The following CDKAL1 variants were observed in gnomAD, a reference collection of about 807,000 sequenced individuals.
CDKAL1 encodes CDKAL1 threonylcarbamoyladenosine tRNA methylthiotransferase.
In CDKAL1, 32 loss-of-function variants were observed where a neutral mutation model predicts 68.2. The ratio of observed to expected loss-of-function variants is 0.47; its 90% CI spans 0.35 to 0.63. The LOEUF is 0.63. Ranked by LOEUF, CDKAL1 falls within the 30% of genes least tolerant of loss-of-function variation. The pLI, the probability that CDKAL1 is intolerant of heterozygous loss-of-function variation, is 0.00. For missense variants in CDKAL1, 606 were observed against 696.7 expected (o/e 0.87, Z 1.47); for synonymous variants, 234 against 244.3 (o/e 0.96, Z 0.39).
chr6:21,154,182 G>A (rs967776943), intron 13 of CDKAL1, among the ~76,000 whole-genome samples: 1 of 151,614 alleles, frequency 6.6e-6, no homozygotes, highest in Non-Finnish European at 1.5e-5. Flanking sequence ...TTGCGTGTAA[G>A]TACTGGTTAA....
chr6:21,154,441 C>T (rs532528065), intron 13 of CDKAL1, among the ~76,000 whole-genome samples: 45 of 152,202 alleles, frequency 3.0e-4, no homozygotes, highest in Admixed American at 2.7e-3. Context: ...TGTTTAACTC[C>T]ATATGTCATC....
chr6:21,020,398 G>GA (rs1299871576), intron 11 of CDKAL1, among the ~76,000 whole-genome samples: 7 of 152,164 alleles, frequency 4.6e-5, no homozygotes, highest in African/African-American at 1.7e-4. Context: ...GTTTTTGACA[G>GA]AAAGGAACTC....
intron 5 of CDKAL1, among the ~76,000 whole-genome samples, chr6:20,723,304 G>A (rs185772662): frequency 1.3e-5 from 2 of 152,372 alleles, no homozygotes; most frequent in Admixed American, 1.3e-4. Context: ...AACTAAAGAA[G>A]CACTGTATCA....
chr6:21,033,712 G>A (rs571924103), intron 11 of CDKAL1, among the ~76,000 whole-genome samples: 309 of 152,252 alleles, frequency 2.0e-3, no homozygotes, highest in African/African-American at 7.0e-3. Flanking sequence ...CCCAGTACTC[G>A]CTTCACTATA....
intron 4 of CDKAL1, among the ~76,000 whole-genome samples, chr6:20,560,198 G>GC (rs1350795843): frequency 6.6e-6 from 1 of 152,116 alleles, no homozygotes; most frequent in African/African-American, 2.4e-5. Context: ...TTCTTCTAAT[G>GC]CAATTATTAG....
At chr6:21,092,155 G>A (rs1373659094) in intron 12 of CDKAL1, among the ~76,000 whole-genome samples, 3 of 145,874 alleles carry the variant, frequency 2.1e-5, no homozygotes, top group Admixed American at 2.0e-4. Context: ...CAAAGTCCTG[G>A]GATTACAGGC....
At position 21,125,578 on chromosome 6, in the gene CDKAL1, A is replaced by T. The variant is rs185537417; in HGVS notation, c.1299+17115A>T. ...TCCCAGCTACTCGGGAGGCTGAGGC[A>T]GGAGAATCGCTTGAACCCGGCGGGG... On this transcript the variant is annotated intron_variant, in intron 13 of 15. Transcript: ENST00000274695. Among the ~76,000 whole-genome samples, 76 of 152,318 alleles carry T rather than the reference A, an allele frequency of 5.0e-4. No homozygotes were observed. The East Asian group carries it at 0.014, about 29-fold the overall frequency.
intron 9 of CDKAL1, among the ~76,000 whole-genome samples, chr6:20,896,023 G>T (rs1051554857): frequency 6.6e-6 from 1 of 151,604 alleles, no homozygotes; most frequent in African/African-American, 2.4e-5. Flanking sequence ...ATGACTGAAA[G>T]GGAACACTGA....
chr6:20,659,358 T>C (rs1769179624), intron 5 of CDKAL1, among the ~76,000 whole-genome samples: 1 of 152,198 alleles, frequency 6.6e-6, no homozygotes, highest in African/African-American at 2.4e-5. Flanking sequence ...TTCATCTTTT[T>C]GTTTAAAATG....
intron 4 of CDKAL1, among the ~76,000 whole-genome samples, chr6:20,639,384 C>T (rs1289870138): frequency 1.3e-5 from 2 of 152,142 alleles, no homozygotes; most frequent in Non-Finnish European, 2.9e-5. Flanking sequence ...CCAGTTCATA[C>T]TCTTGAGAGT....
At chr6:21,157,945 T>C (rs767186716) in intron 13 of CDKAL1, among the ~76,000 whole-genome samples, 1 of 152,258 alleles carries the variant, frequency 6.6e-6, no homozygotes, top group South Asian at 2.1e-4. Flanking sequence ...GTAATACTTG[T>C]GGAGCAATAT....
At chr6:20,748,781 A>C (rs1773785314) in intron 6 of CDKAL1, among the ~76,000 whole-genome samples, 1 of 137,136 alleles carries the variant, frequency 7.3e-6, no homozygotes, top group African/African-American at 2.9e-5. Context: ...GTTGGGAATG[A>C]AACTGGACCT....
chr6:21,150,727 C>T (rs188552386), intron 13 of CDKAL1, among the ~76,000 whole-genome samples: 42 of 152,316 alleles, frequency 2.8e-4, no homozygotes, highest in Admixed American at 9.1e-4. Flanking sequence ...CAGGTTTTGT[C>T]CTGTCAACTT....
At chr6:20,944,856 GT>G (rs1764160150) in intron 9 of CDKAL1, among the ~76,000 whole-genome samples, 1 of 152,108 alleles carries the variant, frequency 6.6e-6, no homozygotes, top group Non-Finnish European at 1.5e-5. Context: ...TGTTTGTAGT[GT>G]TTTGTTCTTA....
rs189850013 is a variant in CDKAL1, at chr6:20,920,177, A to C, written c.743-35242A>C. Among the ~76,000 whole-genome samples the C allele has an allele frequency of 1.6e-4, 24 of 152,322 alleles. No individual in the cohort carries two copies. In the East Asian group the frequency reaches 4.4e-3, roughly 28 times the overall value. Reference sequence around the variant, plus strand: ...CTAAGTAGTTGAAAGATCAATTCTCAGTTAGCACTGTGAAGCATCTCTTTT... The same window carrying C: ...CTAAGTAGTTGAAAGATCAATTCTCCGTTAGCACTGTGAAGCATCTCTTTT... On this transcript the variant is annotated intron_variant, in intron 9 of 15. Transcript: ENST00000274695.
intron 11 of CDKAL1, among the ~76,000 whole-genome samples, chr6:21,002,331 G>A (rs1767469889): frequency 6.6e-6 from 1 of 152,094 alleles, no homozygotes; most frequent in Non-Finnish European, 1.5e-5. Flanking sequence ...AGTATTTCTA[G>A]CAATGAAAAT....
At chr6:20,713,539 G>C (rs60810629) in intron 5 of CDKAL1, among the ~76,000 whole-genome samples, 7,593 of 152,058 alleles carry the variant, frequency 0.05, 622 homozygotes, top group African/African-American at 0.17. Flanking sequence ...TATATTCATG[G>C]AGAATAATTG....
intron 5 of CDKAL1, among the ~76,000 whole-genome samples, chr6:20,686,542 A>G (rs1288132558): frequency 3.9e-5 from 6 of 152,210 alleles, no homozygotes; most frequent in Non-Finnish European, 8.8e-5. Flanking sequence ...CACTGATTTT[A>G]TATTATGGTG....
chr6:20,838,203 A>G (rs191980460), intron 8 of CDKAL1, among the ~76,000 whole-genome samples: 50 of 152,188 alleles, frequency 3.3e-4, no homozygotes, highest in South Asian at 1.0e-3. Context: ...ATGTCTATTT[A>G]TATGTATAAT....
Sources: allele counts gnomAD v4.1 joint callset (sites outside exome capture counted in the v4.1 genomes callset), GRCh38; gene constraint gnomAD v4.1.1; transcripts MANE v1.5; gene names NCBI Gene and HGNC (gene_info 2026-07-23, HGNC 2026-07-21).